Variants in APBB1 observed in about 807,000 individuals in gnomAD.
The protein encoded by APBB1 is amyloid beta precursor protein binding family B member 1.
Under a neutral mutation model 78.4 loss-of-function variants are expected in APBB1, and 22 were observed. That is an observed-to-expected ratio of 0.28 (90% confidence interval 0.20 to 0.40). The LOEUF is 0.40. APBB1 is among the 10% of genes least tolerant of loss of function. The pLI is 1.00. For synonymous variants in APBB1, 369 were observed against 372.7 expected, an observed-to-expected ratio of 0.99 and a Z score of 0.12; for missense variants, 749 against 932.4, an observed-to-expected ratio of 0.80 and a Z score of 2.56.
At chr11:6,418,887 G>T (rs1053158086) in intron 1 of APBB1, 98 bp downstream of exon 1, 1 of 362,276 alleles carries the variant, frequency 2.8e-6, no homozygotes, top group East Asian at 4.0e-5. Context: ...CCGGCCGGGG[G>T]ACCCGGGCTG....
chr11:6,405,206 G>C (rs1395080495), intron 2 of APBB1: 1 of 1,095,572 alleles, frequency 9.1e-7, no homozygotes, highest in African/African-American at 1.6e-5. Flanking sequence ...CAGCTGCCTG[G>C]GGCCCTGCAG....
chr11:6,411,290 G>C lies in APBB1; in HGVS notation c.58C>G (p.Pro20Ala), dbSNP rs1222602655. The C allele has an allele frequency of 2.6e-6, 4 of 1,568,436 alleles. No individual in the cohort carries two copies. The highest frequency in any genetic ancestry group is 2.7e-5 in the African/African-American group (2 of 73,258). ...SAINANSHGG[P>A]ALSLPLPLHA... ...AGAGGCAGGGGTAGGCTCAGTGCGG[G>C]GCCTCCGTGGCTGTTGGCATTAATG... Residue 20 changes from proline (P) to alanine (A), a missense_variant, in exon 2 of 15, where the codon CCC (proline) becomes GCC (alanine). Coordinates refer to ENST00000609360, the MANE Select transcript of APBB1 (RefSeq NM_001164.5). The surrounding 1 kb of genome is among the most constrained non-coding windows in gnomAD (Gnocchi z 5.2).
intron 7 of APBB1, 144 bp from the exon 8 acceptor site, chr11:6,402,353 G>A (rs957081970): frequency 8.8e-6 from 11 of 1,253,860 alleles, no homozygotes; most frequent in Non-Finnish European, 1.2e-5. Flanking sequence ...CCTCACTCTA[G>A]TGGAGGTCAC....
chr11:6,412,830 A>G (rs940008234), intron 1 of APBB1, among the ~76,000 whole-genome samples: 1 of 152,068 alleles, frequency 6.6e-6, no homozygotes, highest in Admixed American at 6.5e-5. Flanking sequence ...TGGTTACGTT[A>G]CTATGCCTTA....
In APBB1 at chr11:6,396,087, C is replaced by T; in HGVS notation, c.1788+13G>A. ...GGCAAGGCGCAGCCACGACTTCTAC[C>T]CCAGCTCTTTACCTGCTGGTGCAAG... On this transcript the variant is annotated intron_variant, in intron 13 of 14. Coordinates refer to ENST00000609360, the MANE Select transcript of APBB1 (RefSeq NM_001164.5). 1 of 1,579,770 alleles carries T rather than the reference C, an allele frequency of 6.3e-7. No individual in the cohort carries two copies. The highest frequency in any genetic ancestry group is 8.6e-7 in the Non-Finnish European group (1 of 1,163,176).
chr11:6,402,134 C>G lies in APBB1; in HGVS notation c.1330G>C (p.Ala444Pro), dbSNP rs758804617. Residue 444 changes from alanine (A) to proline (P), a missense_variant, in exon 8 of 15, where the codon GCC (alanine) becomes CCC (proline). Coordinates refer to ENST00000609360, the MANE Select transcript of APBB1 (RefSeq NM_001164.5). ...VEPQSQALLH[A>P]QPIISIRVWG... ...ACGCGGATGCTGATGATGGGTTGGGCGTGCAGCAGTGCCTGGCTCTGTGGC... is the reference window on the plus strand; with the variant it reads ...ACGCGGATGCTGATGATGGGTTGGGGGTGCAGCAGTGCCTGGCTCTGTGGC... 1.2e-6 allele frequency: 2 copies of G among 1,613,994 alleles called. No homozygotes were observed. Among genetic ancestry groups the G allele is most frequent in the African/African-American group, 2.7e-5 (2 of 74,924 alleles).
At chr11:6,416,990 C>T (rs771426234) in intron 1 of APBB1, among the ~76,000 whole-genome samples, 7 of 152,176 alleles carry the variant, frequency 4.6e-5, no homozygotes, top group African/African-American at 4.8e-5. Flanking sequence ...GTGATCCGCC[C>T]GCCTTGGCCT....
Position 6,395,547 on chromosome 11 carries a change from G to T in APBB1, c.2120C>A (p.Ala707Asp). 3 of 1,564,142 alleles carry T rather than the reference G, an allele frequency of 1.9e-6. No homozygotes were observed. The highest frequency in any genetic ancestry group is 2.4e-5 in the South Asian group (2 of 83,852). Residue 707 changes from alanine (A) to aspartate (D), a missense_variant, in exon 15 of 15, where the codon GCC becomes GAC. Coordinates refer to ENST00000609360, the MANE Select transcript of APBB1 (RefSeq NM_001164.5). The surrounding 1 kb of genome is among the most constrained non-coding windows in gnomAD (Gnocchi z 5.2). ...WGSLKPKRLG[A>D]HTP ...GTGGGGGCTTCTTCATGGGGTATGGGCCCCCAGCCGTTTGGGCTTCAGGGA... is the reference window on the plus strand; with the variant it reads ...GTGGGGGCTTCTTCATGGGGTATGGTCCCCCAGCCGTTTGGGCTTCAGGGA...
At chr11:6,415,435 G>T (rs1305682791) in intron 1 of APBB1, among the ~76,000 whole-genome samples, 1 of 152,194 alleles carries the variant, frequency 6.6e-6, no homozygotes, top group African/African-American at 2.4e-5. Context: ...AGTTCAGCGG[G>T]AAACAGTCAT....
chr11:6,407,667 A>T (rs1316664686), intron 2 of APBB1, among the ~76,000 whole-genome samples: 1 of 152,200 alleles, frequency 6.6e-6, no homozygotes, highest in Non-Finnish European at 1.5e-5. Flanking sequence ...AATCAGCTGG[A>T]GTGCAGGAGG....
At chr11:6,397,529 A>G (rs1254010762) in intron 12 of APBB1, among the ~76,000 whole-genome samples, 2 of 152,362 alleles carry the variant, frequency 1.3e-5, no homozygotes, top group East Asian at 3.9e-4. Context: ...TGCCCTTGAG[A>G]GACACAGACT....
rs1848737203 is a variant in APBB1 at position 6,405,006 on chromosome 11, G to C, written c.722-1184C>G. On this transcript the variant is annotated intron_variant, in intron 2 of 14. Transcript: ENST00000609360. ...GACCACCATGCTAGGGAATCTCCTT[G>C]GGGGGTGGGGAAGGGAGGAGAAAGG... is the stretch of plus-strand genomic sequence containing the variant. 7.7e-6 allele frequency: 11 copies of C among 1,421,500 alleles called. No individual in the cohort carries two copies. In the African/African-American group the frequency reaches 8.6e-5, roughly 11 times the overall value. 88.1% of individuals were successfully genotyped at this position (1,421,500 alleles called of 1,614,324 possible). A position where few individuals can be genotyped will look rare whatever the true frequency, so the allele number is the denominator to read the frequency against.
At position 6,401,404 on chromosome 11, in the gene APBB1, C is replaced by T. The variant is rs144723218; in HGVS notation, c.1529G>A (p.Arg510His). The T allele has an allele frequency of 1.1e-5, 18 of 1,613,906 alleles. No homozygotes were observed. The highest frequency in any genetic ancestry group is 6.7e-5 in the East Asian group (3 of 44,864). ...SKIMAERRNA[R>H]CLVNGLSLDH... ...CAGGGAGAGTCCATTTACCAAGCAG[C>T]GGGCATTACGCCGTTCGGCCATGAT... The change falls in exon 11 of 15, where the codon CGC (arginine) becomes CAC (histidine). Residue 510 changes from arginine to histidine, a missense_variant. Coordinates refer to ENST00000609360, the MANE Select transcript of APBB1 (RefSeq NM_001164.5). This position sits in a 1 kb window ranked among gnomAD's most constrained non-coding sequence, Gnocchi z 4.5.
chr11:6,413,397 T>A (rs1849030664), intron 1 of APBB1, among the ~76,000 whole-genome samples: 1 of 152,216 alleles, frequency 6.6e-6, no homozygotes, highest in Admixed American at 6.5e-5. Flanking sequence ...TCCCTGTTCC[T>A]CTACTAAGGA....
intron 1 of APBB1, among the ~76,000 whole-genome samples, chr11:6,414,193 T>C (rs1413346662): frequency 1.3e-5 from 2 of 152,182 alleles, no homozygotes; most frequent in Admixed American, 1.3e-4. Flanking sequence ...TTCTGAAACA[T>C]GTCGCACACT....
chr11:6,409,518 TTCTC>T (rs1392071450), intron 2 of APBB1, among the ~76,000 whole-genome samples: 1 of 152,226 alleles, frequency 6.6e-6, no homozygotes, highest in Non-Finnish European at 1.5e-5. Context: ...CATTATTCTT[TTCTC>T]TCTATTTTTG....
In APBB1 at chr11:6,399,578, C is replaced by A. The variant is rs75265662; in HGVS notation, c.1672+1411G>T. 2.0e-4 allele frequency among the ~76,000 whole-genome samples: 31 copies of A among 152,320 alleles called. No individual in the cohort carries two copies. The East Asian group carries it at 6.0e-3, about 29-fold the overall frequency. On this transcript the variant is annotated intron_variant, in intron 12 of 14. Coordinates refer to ENST00000609360, the MANE Select transcript of APBB1 (RefSeq NM_001164.5). Reference sequence around the variant, plus strand: ...ATTGTTGCCCAAGATACTCTCATTACTGGCCAGGACTACAGCAAGAGCCTC... The same window carrying A: ...ATTGTTGCCCAAGATACTCTCATTAATGGCCAGGACTACAGCAAGAGCCTC...
chr11:6,399,178 C>T (rs1848374162), intron 12 of APBB1, among the ~76,000 whole-genome samples: 1 of 152,152 alleles, frequency 6.6e-6, no homozygotes, highest in Admixed American at 6.5e-5. Flanking sequence ...GCCCACTTTC[C>T]AGGGCCAAGC....
chr11:6,407,520 T>A (rs995591858), intron 2 of APBB1, among the ~76,000 whole-genome samples: 1 of 152,250 alleles, frequency 6.6e-6, no homozygotes, highest in African/African-American at 2.4e-5. Context: ...GTGTGTGGCC[T>A]GCACAGTGCT....
Sources: allele counts gnomAD v4.1 joint callset (sites outside exome capture counted in the v4.1 genomes callset), GRCh38; gene constraint gnomAD v4.1.1; non-coding constraint Gnocchi (gnomAD v3.1); transcripts MANE v1.5; gene names NCBI Gene and HGNC (gene_info 2026-07-23, HGNC 2026-07-21).